MACROD2: variants seen among roughly 807,000 people sequenced by gnomAD.
The protein encoded by MACROD2 is mono-ADP ribosylhydrolase 2.
A neutral mutation model predicts 70.4 loss-of-function variants in MACROD2; 36 were observed. That is an observed-to-expected ratio of 0.51 (90% CI 0.39 to 0.68). The LOEUF is 0.68. MACROD2 is among the 30% of genes least tolerant of loss of function. The pLI is 0.00. For synonymous variants in MACROD2, 172 were observed against 178.8 expected (o/e 0.96, Z 0.30); for missense variants, 496 against 538.4 (o/e 0.92, Z 0.78).
chr20:14,378,806 T>A (rs1318720226), intron 3 of MACROD2, among the ~76,000 whole-genome samples: 1 of 152,236 alleles, frequency 6.6e-6, no homozygotes, highest in East Asian at 1.9e-4. Context: ...CATATTTGGC[T>A]ATTGTCTTCC....
At chr20:15,862,463 A>G (rs1392302305) in intron 8 of MACROD2, among the ~76,000 whole-genome samples, 3 of 152,192 alleles carry the variant, frequency 2.0e-5, no homozygotes, top group African/African-American at 7.2e-5. Flanking sequence ...AGCTTGCTGC[A>G]AAGTGGCTTA....
intron 5 of MACROD2, among the ~76,000 whole-genome samples, chr20:15,194,271 G>A (rs1036823583): frequency 3.0e-3 from 170 of 56,574 alleles, no homozygotes; most frequent in South Asian, 5.9e-3. Flanking sequence ...AAAAAAAAAA[G>A]CTTCTTCCAG....
intron 5 of MACROD2, among the ~76,000 whole-genome samples, chr20:15,049,664 A>G (rs2075423416): frequency 6.6e-6 from 1 of 152,050 alleles, no homozygotes; most frequent in South Asian, 2.1e-4. Context: ...ATATAGCTAC[A>G]TGACCGGGTG....
chr20:15,725,006 C>T (rs1188780764), intron 8 of MACROD2, among the ~76,000 whole-genome samples: 6 of 152,020 alleles, frequency 3.9e-5, no homozygotes, highest in East Asian at 1.9e-4. Flanking sequence ...GACGTGAATC[C>T]GGGAGGCGGA....
intron 6 of MACROD2, among the ~76,000 whole-genome samples, chr20:15,365,466 T>A (rs2045395724): frequency 6.6e-6 from 1 of 151,858 alleles, no homozygotes; most frequent in Non-Finnish European, 1.5e-5. Context: ...GAGATTGAGA[T>A]CATCCTGGCT....
intron 4 of MACROD2, among the ~76,000 whole-genome samples, chr20:14,660,186 A>G (rs1386175157): frequency 1.3e-5 from 2 of 152,218 alleles, no homozygotes; most frequent in East Asian, 1.9e-4. Context: ...CCACATTTAG[A>G]TGTCATACTT....
intron 6 of MACROD2, among the ~76,000 whole-genome samples, chr20:15,253,263 C>T (rs2077171118): frequency 6.6e-6 from 1 of 152,154 alleles, no homozygotes; most frequent in Non-Finnish European, 1.5e-5. Flanking sequence ...GCTGCTTTTG[C>T]ACTATGACAG....
intron 3 of MACROD2, among the ~76,000 whole-genome samples, chr20:14,089,839 G>T (rs1295944446): frequency 1.3e-5 from 2 of 152,040 alleles, no homozygotes; most frequent in East Asian, 3.9e-4. Flanking sequence ...TCTCCCAATG[G>T]TGGCTTTGTA....
chr20:14,390,159 A>G (rs572444977), intron 3 of MACROD2, among the ~76,000 whole-genome samples: 19 of 152,350 alleles, frequency 1.2e-4, no homozygotes, highest in African/African-American at 3.6e-4. Context: ...TGCCACAAAA[A>G]GAATAAAATA....
intron 2 of MACROD2, among the ~76,000 whole-genome samples, chr20:14,077,060 G>A (rs2148664184): frequency 6.6e-6 from 1 of 152,264 alleles, no homozygotes; most frequent in African/African-American, 2.4e-5. Context: ...ATCGTTAACA[G>A]GGAAATAACT....
At chr20:14,492,867 G>A (rs1600299488) in intron 3 of MACROD2, among the ~76,000 whole-genome samples, 4 of 152,184 alleles carry the variant, frequency 2.6e-5, no homozygotes, top group Admixed American at 2.6e-4. Context: ...AATCCAAATG[G>A]AATTGTTTTA....
intron 5 of MACROD2, among the ~76,000 whole-genome samples, chr20:15,139,075 C>A (rs1046172372): frequency 6.6e-6 from 1 of 152,138 alleles, no homozygotes; most frequent in African/African-American, 2.4e-5. Flanking sequence ...GGTTTAATGT[C>A]TTTGCCATTT....
intron 5 of MACROD2, among the ~76,000 whole-genome samples, chr20:15,110,022 C>T (rs1476986805): frequency 2.0e-5 from 3 of 151,856 alleles, no homozygotes; most frequent in African/African-American, 7.3e-5. Context: ...ATGGTTAAGC[C>T]CTTAGACTGT....
At chr20:15,930,169 C>T (rs1447503789) in intron 10 of MACROD2, among the ~76,000 whole-genome samples, 1 of 152,204 alleles carries the variant, frequency 6.6e-6, no homozygotes, top group East Asian at 1.9e-4. Flanking sequence ...CTGGAAACCT[C>T]AAGTTTACAC....
intron 4 of MACROD2, among the ~76,000 whole-genome samples, chr20:14,622,284 C>T (rs1304755175): frequency 1.3e-5 from 2 of 151,764 alleles, no homozygotes; most frequent in South Asian, 2.1e-4. Flanking sequence ...AGAAGTTGTC[C>T]GTTAAGTAGG....
At chr20:15,454,991 T>C (rs1054005641) in intron 7 of MACROD2, among the ~76,000 whole-genome samples, 1 of 152,270 alleles carries the variant, frequency 6.6e-6, no homozygotes, top group Non-Finnish European at 1.5e-5. Flanking sequence ...ATCTGTGTGA[T>C]AAACATTTAC....
chr20:15,819,229 TTA>T (rs2063909585), intron 8 of MACROD2, among the ~76,000 whole-genome samples: 1 of 144,634 alleles, frequency 6.9e-6, no homozygotes, highest in African/African-American at 2.5e-5. Flanking sequence ...ATATATATAT[TTA>T]TATATACAAA....
chr20:14,143,755 AT>A (rs1030854385), intron 3 of MACROD2, among the ~76,000 whole-genome samples: 1 of 152,144 alleles, frequency 6.6e-6, no homozygotes, highest in African/African-American at 2.4e-5. Context: ...GAGACTTATG[AT>A]TTTTTGAACT....
chr20:14,746,020 C>T (rs558546077), intron 5 of MACROD2, among the ~76,000 whole-genome samples: 6 of 152,260 alleles, frequency 3.9e-5, no homozygotes, highest in South Asian at 2.1e-4. Context: ...CCCCACACCC[C>T]GCCCCAATGC....
Sources: gnomAD v4.1 joint callset for allele counts (sites outside exome capture counted in the v4.1 genomes callset) on GRCh38, gnomAD v4.1.1 for gene constraint, MANE v1.5 for transcripts, NCBI Gene and HGNC (gene_info 2026-07-23, HGNC 2026-07-21) for gene names.